SLIT1: variants seen among roughly 807,000 people sequenced by gnomAD.
SLIT1 encodes the protein slit guidance ligand 1, also known as slit homolog 1 protein.
Under a neutral mutation model 186.1 loss-of-function variants are expected in SLIT1, and 66 were observed. That is an observed-to-expected ratio of 0.35 (90% CI 0.29 to 0.44). The LOEUF is 0.44. Ranked by LOEUF, SLIT1 falls within the 20% of genes least tolerant of loss-of-function variation. SLIT1 has a pLI of 1.00. For synonymous variants in SLIT1, 761 were observed against 833.8 expected (o/e 0.91, Z 1.50); for missense variants, 1,638 against 2,037.4 (o/e 0.80, Z 3.77).
intron 4 of SLIT1, among the ~76,000 whole-genome samples, chr10:97,119,522 A>G (rs1314214664): frequency 1.3e-5 from 2 of 152,160 alleles, no homozygotes; most frequent in African/African-American, 4.8e-5. Context: ...GAGCGCAGTC[A>G]GGGAGAAAGC....
rs1005736190 is a variant in SLIT1, at chr10:97,010,144, G to A, written c.3341+849C>T. On this transcript the variant is annotated intron_variant, in intron 31 of 36. Coordinates refer to ENST00000266058, the MANE Select transcript of SLIT1 (RefSeq NM_003061.3). The surrounding 1 kb of genome is among the most constrained non-coding windows in gnomAD (Gnocchi z 4.8). ...GATCAGTCTTCATTATAGCCAAAAAGTGGCAACAACCTAAATGCCTATCAA... is the reference window on the plus strand; with the variant it reads ...GATCAGTCTTCATTATAGCCAAAAAATGGCAACAACCTAAATGCCTATCAA... Among the ~76,000 whole-genome samples the A allele has an allele frequency of 4.6e-5, 7 of 152,198 alleles. No individual in the cohort carries two copies. The highest frequency in any genetic ancestry group is 1.0e-4 in the Non-Finnish European group (7 of 68,032).
chr10:97,054,560 G>C (rs1431472052), intron 13 of SLIT1, among the ~76,000 whole-genome samples: 1 of 152,166 alleles, frequency 6.6e-6, no homozygotes, highest in Non-Finnish European at 1.5e-5. Flanking sequence ...TATTACAAAA[G>C]GGAGACAGCC....
chr10:97,160,754 T>A (rs1850014109), intron 3 of SLIT1, among the ~76,000 whole-genome samples: 1 of 152,234 alleles, frequency 6.6e-6, no homozygotes, highest in African/African-American at 2.4e-5. Flanking sequence ...AGAGACTTGC[T>A]CTGTCGCCCA....
At chr10:97,174,716 A>G (rs951508566) in intron 1 of SLIT1, among the ~76,000 whole-genome samples, 5 of 152,210 alleles carry the variant, frequency 3.3e-5, no homozygotes, top group African/African-American at 1.2e-4. Flanking sequence ...TACCTGGCTC[A>G]GAGGCTCCTT....
chr10:97,144,580 G>GT (rs1362845311), intron 4 of SLIT1, among the ~76,000 whole-genome samples: 1 of 152,160 alleles, frequency 6.6e-6, no homozygotes, highest in East Asian at 1.9e-4. Context: ...GGGGAGCTCT[G>GT]TCCCCCACAG....
At chr10:97,127,487 A>G (rs1849615279) in intron 4 of SLIT1, among the ~76,000 whole-genome samples, 1 of 152,170 alleles carries the variant, frequency 6.6e-6, no homozygotes, top group Non-Finnish European at 1.5e-5. Flanking sequence ...CTCCTTAGGA[A>G]ATGAACTCAG....
At position 97,000,966 on chromosome 10, in the gene SLIT1, C is replaced by G; in HGVS notation, c.*146G>C. The G allele has an allele frequency of 3.1e-6, 2 of 651,066 alleles. No individual in the cohort carries two copies. The highest frequency in any genetic ancestry group is 5.2e-6 in the Non-Finnish European group (2 of 380,988). The allele number at this position is 651,066 out of a possible 1,614,324, so 40.3% of individuals were successfully genotyped here. On this transcript the variant is annotated 3_prime_UTR_variant, in exon 37 of 37. Transcript: ENST00000266058. ...CGCAATTTGCTTTTAAAAGGCTGCT[C>G]TGGCACCACCCCACCCAGGAGGGCC...
chr10:97,056,484 C>G lies in SLIT1; in HGVS notation c.1158-20G>C. 6.2e-7 allele frequency: 1 copy of G among 1,613,588 alleles called. No individual in the cohort carries two copies. Among genetic ancestry groups the G allele is most frequent in the Non-Finnish European group, 8.5e-7 (1 of 1,179,704 alleles). ...AGGAGCCTGTGGGCAGAGCCAGGAC[C>G]AAGTGGTGAGGAGAGAGGCTCGACC... is the stretch of plus-strand genomic sequence containing the variant. On this transcript the variant is annotated intron_variant, in intron 12 of 36. Transcript: ENST00000266058.
intron 4 of SLIT1, among the ~76,000 whole-genome samples, chr10:97,100,497 A>G (rs181497976): frequency 3.3e-5 from 5 of 152,156 alleles, no homozygotes; most frequent in African/African-American, 1.2e-4. Context: ...TTAGCCAGGC[A>G]TGGTGGCACA....
chr10:97,136,088 C>G (rs1375220467), intron 4 of SLIT1, among the ~76,000 whole-genome samples: 1 of 152,138 alleles, frequency 6.6e-6, no homozygotes, highest in Admixed American at 6.5e-5. Context: ...AATGGCAACA[C>G]ACTCATAAAA....
intron 26 of SLIT1, among the ~76,000 whole-genome samples, chr10:97,020,276 G>A (rs1458271083): frequency 2.0e-5 from 3 of 152,150 alleles, no homozygotes; most frequent in East Asian, 1.9e-4. Flanking sequence ...CCCAGCTGGG[G>A]TTCTGTTTCT....
chr10:97,062,791 C>T (rs906012772), intron 8 of SLIT1, among the ~76,000 whole-genome samples: 4 of 152,236 alleles, frequency 2.6e-5, no homozygotes, highest in Non-Finnish European at 5.9e-5. Context: ...ACAGTGCTGA[C>T]GGCCAGGTGA....
chr10:97,092,321 G>A (rs1849240411), intron 4 of SLIT1, among the ~76,000 whole-genome samples: 1 of 152,222 alleles, frequency 6.6e-6, no homozygotes, highest in Non-Finnish European at 1.5e-5. Context: ...CCAGTTAGAA[G>A]CAAATGAATT....
intron 4 of SLIT1, among the ~76,000 whole-genome samples, chr10:97,078,963 A>C (rs1376441537): frequency 6.6e-6 from 1 of 152,200 alleles, no homozygotes; most frequent in Non-Finnish European, 1.5e-5. Flanking sequence ...CAGGCCAGAC[A>C]CACAATGGTG....
chr10:97,154,135 AG>A (rs1849916696), intron 4 of SLIT1: 1 of 152,250 alleles, frequency 6.6e-6, no homozygotes, highest in Non-Finnish European at 1.5e-5. Context: ...ATGCGTACAC[AG>A]TAATATTAGA....
intron 4 of SLIT1, among the ~76,000 whole-genome samples, chr10:97,067,464 C>T (rs1369723027): frequency 1.3e-5 from 2 of 152,186 alleles, no homozygotes; most frequent in South Asian, 2.1e-4. Flanking sequence ...AGGAGCGTGG[C>T]GTGGATACTA....
At position 97,002,238 on chromosome 10, in the gene SLIT1, T is replaced by C; in HGVS notation, c.4286A>G (p.His1429Arg). 6.3e-7 allele frequency: 1 copy of C among 1,593,568 alleles called. No homozygotes were observed. The highest frequency in any genetic ancestry group is 8.6e-7 in the Non-Finnish European group (1 of 1,168,556). The change falls in exon 36 of 37, where the codon CAT (histidine) becomes CGT (arginine). Residue 1429 changes from histidine (H) to arginine (R), a missense_variant. Physicochemically the swap from His to Arg is conservative, Grantham distance 29. Around this residue, in one of 3 missense-constraint regions of SLIT1, gnomAD observed 220 missense variants for 211.3 expected, o/e 1.04. Transcript: ENST00000266058. ...GGTGCCTGAGGCCTGGCAGTGGCCA[T>C]GCAGGCACTGCAGGCCTCTGCAGGG... ...AEPCRGLQCL[H>R]GHCQASGTKG...
chr10:97,173,874 C>T (rs1270945839), intron 1 of SLIT1, among the ~76,000 whole-genome samples: 6 of 152,210 alleles, frequency 3.9e-5, no homozygotes, highest in Non-Finnish European at 7.4e-5. Flanking sequence ...GCGAAGGCCT[C>T]TGGCCAGCCT....
In SLIT1 at chr10:97,066,065, G is replaced by T. The variant is rs748573798; in HGVS notation, c.435C>A (p.Ile145=). ...LSRLDLSENA[I]QAIPRKAFRG... is the part of the protein sequence containing the mutation. ...GAAAAGCTTTCCTGGGGATGGCCTG[G>T]ATGGCGTTCTCACTCAAGTCCCTGG... Residue 145 remains isoleucine (I), a synonymous_variant, in exon 5 of 37, where the codon ATC becomes ATA. Transcript: ENST00000266058. 4 of 1,605,608 alleles carry T rather than the reference G, an allele frequency of 2.5e-6. No homozygotes were observed. The highest frequency in any genetic ancestry group is 4.5e-5 in the East Asian group (2 of 44,820).
Sources: gnomAD v4.1 joint callset for allele counts (sites outside exome capture counted in the v4.1 genomes callset) on GRCh38, gnomAD v4.1.1 for gene constraint, gnomAD v4.1.1 regional missense constraint, Gnocchi (gnomAD v3.1) non-coding constraint, MANE v1.5 for transcripts, NCBI Gene and HGNC (gene_info 2026-07-23, HGNC 2026-07-21) for gene names.